The following CTNND1 variants were observed in gnomAD, a reference collection of about 807,000 sequenced individuals.
The protein encoded by CTNND1 is catenin delta-1.
In CTNND1, 16 loss-of-function variants were observed where a neutral mutation model predicts 112.1. The observed-to-expected ratio is 0.14, with a 90% CI of 0.10 to 0.22. CTNND1 has a LOEUF of 0.22. CTNND1 is among the 10% of genes least tolerant of loss of function. CTNND1 has a pLI of 1.00. For missense variants in CTNND1, 1,008 were observed against 1,257.0 expected (o/e 0.80, Z 3.00); for synonymous variants, 420 against 446.5 (o/e 0.94, Z 0.75).
intron 20 of CTNND1, 133 bp from the exon 21 acceptor site, chr11:57,816,163 TG>T: frequency 8.0e-7 from 1 of 1,244,770 alleles, no homozygotes; most frequent in Non-Finnish European, 1.2e-6. Context: ...CTTACGAGTC[TG>T]GGACATGCAG....
Position 57,808,503 on chromosome 11 carries a change from A to G in CTNND1, c.2205A>G (p.Arg735=), listed in dbSNP as rs199667148. 430 of 1,610,448 alleles carry G rather than the reference A, an allele frequency of 2.7e-4. 1 individual carries two copies. The highest frequency in any genetic ancestry group is 3.6e-4 in the Non-Finnish European group (421 of 1,178,828). Residue 735 remains arginine (R), a synonymous_variant, in exon 14 of 21, where the codon AGA becomes AGG. Coordinates refer to ENST00000399050, the MANE Select transcript of CTNND1 (RefSeq NM_001085458.2). ...RVVKAASGAL[R]NLAVDARNKE... ...TGAAAGCTGCATCTGGAGCACTGAG[A>G]AACCTGGCTGTGGATGCTCGCAACA...
Position 57,789,058 on chromosome 11 carries a change from C to A in CTNND1, c.-192C>A. On this transcript the variant is annotated 5_prime_UTR_variant, in exon 2 of 21. Transcript: ENST00000399050. ...GCAGCTCTCTCCTTCCTGCTTCCTC[C>A]TTGCTGTGGTGGCTGGGATGCTTCT... 3 of 1,535,676 alleles carry A rather than the reference C, an allele frequency of 2.0e-6. No individual in the cohort carries two copies. The highest frequency in any genetic ancestry group is 2.6e-6 in the Non-Finnish European group (3 of 1,146,860).
Position 57,808,192 on chromosome 11 carries a change from T to A in CTNND1, c.1991T>A (p.Val664Glu). ...RGYELLFQPE[V>E]VRIYISLLKE... is the part of the protein sequence containing the mutation. ...TATGAGCTCTTATTTCAGCCAGAGG[T>A]GGTTCGGATATACATCTCACTTCTT... The change falls in exon 13 of 21, where the codon GTG (valine) becomes GAG (glutamate). Residue 664 changes from valine (V) to glutamate (E), a missense_variant. By Grantham distance (121) the Val-to-Glu change is moderately radical. This residue lies in a region of CTNND1 where 254 missense variants were observed against 279.5 expected (regional missense o/e 0.91). Transcript: ENST00000399050. 1 of 1,613,460 alleles carries A rather than the reference T, an allele frequency of 6.2e-7. No individual in the cohort carries two copies. The highest frequency in any genetic ancestry group is 8.5e-7 in the Non-Finnish European group (1 of 1,179,502).
intron 1 of CTNND1, among the ~76,000 whole-genome samples, chr11:57,764,737 C>G (rs1950667713): frequency 2.0e-5 from 3 of 152,056 alleles, no homozygotes; most frequent in African/African-American, 7.2e-5. Flanking sequence ...CAGGATTAAC[C>G]CTGGTCTGAC....
chr11:57,778,140 T>A (rs1328175907), intron 1 of CTNND1, among the ~76,000 whole-genome samples: 1 of 152,058 alleles, frequency 6.6e-6, no homozygotes, highest in African/African-American at 2.4e-5. Flanking sequence ...GTCCTCTCAT[T>A]CTCTAGGGAA....
chr11:57,803,535 T>A (rs776311922), intron 7 of CTNND1, 86 bp from the exon 8 acceptor site: 3 of 1,031,718 alleles, frequency 2.9e-6, no homozygotes, highest in Non-Finnish European at 4.2e-6. Context: ...GACTGAGAAG[T>A]GATACGATAG....
intron 9 of CTNND1, among the ~76,000 whole-genome samples, chr11:57,805,657 C>T (rs1419634947): frequency 2.0e-5 from 3 of 152,134 alleles, no homozygotes; most frequent in Non-Finnish European, 4.4e-5. Flanking sequence ...CAGTCACACA[C>T]CAAATAGTGG....
At chr11:57,763,750 T>A (rs1300198170) in intron 1 of CTNND1, 1 of 152,202 alleles carries the variant, frequency 6.6e-6, no homozygotes, top group Non-Finnish European at 1.5e-5. Flanking sequence ...GTTGGTCATG[T>A]TGCTTCCAGA....
intron 11 of CTNND1, 49 bp from the exon 12 acceptor site, chr11:57,806,866 C>CT (rs1565365225): frequency 6.8e-7 from 1 of 1,473,326 alleles, no homozygotes; most frequent in Admixed American, 2.0e-5. Context: ...GGAATCTTTT[C>CT]TTTTTTAAAC....
chr11:57,811,715 C>T (rs1407384260), intron 17 of CTNND1, among the ~76,000 whole-genome samples: 1 of 152,192 alleles, frequency 6.6e-6, no homozygotes, highest in Non-Finnish European at 1.5e-5. Flanking sequence ...TGCTTGTGAA[C>T]TTAAAACACT....
At chr11:57,814,640 T>A (rs766350457) in intron 18 of CTNND1, among the ~76,000 whole-genome samples, 1 of 152,166 alleles carries the variant, frequency 6.6e-6, no homozygotes, top group African/African-American at 2.4e-5. Flanking sequence ...GCCCATTATA[T>A]TCCTACCCCA....
intron 3 of CTNND1, 68 bp from the exon 4 acceptor site, chr11:57,793,941 GA>G (rs1290389992): frequency 6.6e-7 from 1 of 1,509,588 alleles, no homozygotes; most frequent in Non-Finnish European, 9.2e-7. Flanking sequence ...TTGAAAAAAA[GA>G]TCGTTTGTAT....
At chr11:57,816,034 T>G in intron 20 of CTNND1, 33 bp downstream of exon 20, 1 of 1,528,088 alleles carries the variant, frequency 6.5e-7, no homozygotes, top group Admixed American at 2.4e-5. Flanking sequence ...AGATTGTTCT[T>G]GAGGAAGGAG....
At chr11:57,789,794 A>C (rs749339514) in intron 2 of CTNND1, among the ~76,000 whole-genome samples, 2 of 152,212 alleles carry the variant, frequency 1.3e-5, no homozygotes, top group Non-Finnish European at 2.9e-5. Context: ...AGCTTGAGTT[A>C]GAGGTTTCTG....
chr11:57,769,467 T>A (rs1952014812), intron 1 of CTNND1, among the ~76,000 whole-genome samples: 1 of 152,202 alleles, frequency 6.6e-6, no homozygotes, highest in African/African-American at 2.4e-5. Context: ...CTAATTTCTT[T>A]TGGCACTCTG....
chr11:57,775,654 A>T (rs1424001879), intron 1 of CTNND1, among the ~76,000 whole-genome samples: 1 of 151,990 alleles, frequency 6.6e-6, no homozygotes, highest in African/African-American at 2.4e-5. Flanking sequence ...CTGGACAGGA[A>T]GGGCCAATGT....
intron 6 of CTNND1, among the ~76,000 whole-genome samples, chr11:57,800,088 C>T (rs1401676463): frequency 7.1e-6 from 1 of 140,436 alleles, no homozygotes; most frequent in African/African-American, 2.6e-5. Context: ...TTGTTCCATG[C>T]ATGGTATTTT....
chr11:57,800,332 A>G (rs1338068815), intron 6 of CTNND1, among the ~76,000 whole-genome samples: 2 of 151,704 alleles, frequency 1.3e-5, no homozygotes, highest in Non-Finnish European at 2.9e-5. Flanking sequence ...CAGTGGCACA[A>G]TCTCAGTTCA....
intron 6 of CTNND1, among the ~76,000 whole-genome samples, chr11:57,798,805 C>T (rs952004019): frequency 6.6e-6 from 1 of 152,122 alleles, no homozygotes; most frequent in East Asian, 1.9e-4. Flanking sequence ...TCATCTTTGT[C>T]GTATGTTGTT....
Sources: gnomAD v4.1 joint callset for allele counts (sites outside exome capture counted in the v4.1 genomes callset) on GRCh38, gnomAD v4.1.1 for gene constraint, gnomAD v4.1.1 regional missense constraint, MANE v1.5 for transcripts, NCBI Gene and HGNC (gene_info 2026-07-23, HGNC 2026-07-21) for gene names.